Variants in RPS6KA2 observed in about 807,000 individuals in gnomAD.
The protein encoded by RPS6KA2 is ribosomal protein S6 kinase A2.
A neutral mutation model predicts 91.8 loss-of-function variants in RPS6KA2; 42 were observed. The ratio of observed to expected loss-of-function variants is 0.46; its 90% CI spans 0.36 to 0.59. The LOEUF (loss-of-function observed/expected upper bound fraction) is 0.59. Ranked by LOEUF, RPS6KA2 falls within the 20% of genes least tolerant of loss-of-function variation. The pLI, the probability that RPS6KA2 is intolerant of heterozygous loss-of-function variation, is 0.00. For synonymous variants in RPS6KA2, 414 were observed against 393.6 expected (o/e 1.05, Z -0.61); for missense variants, 798 against 978.5 (o/e 0.82, Z 2.46).
In RPS6KA2 at chr6:166,469,548, G is replaced by A. The variant is rs1194716768; in HGVS notation, c.972+293C>T. Among the ~76,000 whole-genome samples the A allele has an allele frequency of 3.3e-5, 5 of 152,152 alleles. No individual in the cohort carries two copies. The East Asian group carries it at 5.8e-4, about 18-fold the overall frequency. ...GGCTCGGAGAGGCCGGGGAGTGGGT[G>A]CAGGGAGGACAGAAGCCTCGACTCT... On this transcript the variant is annotated intron_variant, in intron 11 of 20. Transcript: ENST00000265678.
intron 2 of RPS6KA2, among the ~76,000 whole-genome samples, chr6:166,744,944 A>C (rs185555050): frequency 6.6e-6 from 1 of 152,138 alleles, no homozygotes; most frequent in Non-Finnish European, 1.5e-5. Flanking sequence ...TGTATGAGTC[A>C]GCTCAGGCTG....
intron 2 of RPS6KA2, among the ~76,000 whole-genome samples, chr6:166,532,707 G>A (rs916938497): frequency 1.3e-5 from 2 of 152,118 alleles, no homozygotes; most frequent in African/African-American, 2.4e-5. Flanking sequence ...GCTGCCTCTC[G>A]GACCCGATTA....
intron 2 of RPS6KA2, among the ~76,000 whole-genome samples, chr6:166,809,466 GAAA>G (rs1779576411): frequency 6.6e-6 from 1 of 152,146 alleles, no homozygotes; most frequent in African/African-American, 2.4e-5. Flanking sequence ...CTGATATTAA[GAAA>G]AACAGGGAAA....
rs150680821 is a variant in RPS6KA2, at chr6:166,411,372, G to T, written c.*1390C>A. On this transcript the variant is annotated 3_prime_UTR_variant, in exon 21 of 21. Coordinates refer to ENST00000265678, the MANE Select transcript of RPS6KA2 (RefSeq NM_021135.6). This position sits in a 1 kb window ranked among gnomAD's most constrained non-coding sequence, Gnocchi z 4.5. ...GCGCCGCTCTTCAGTGATGCAGGGT[G>T]AGGGGCTGAGCGGCGCCTCCTCCCA... 1 of 152,128 alleles carries T rather than the reference G, an allele frequency of 6.6e-6. No homozygotes were observed. The highest frequency in any genetic ancestry group is 6.5e-5 in the Admixed American group (1 of 15,282). 9.4% of individuals were successfully genotyped at this position (152,128 alleles called of 1,614,324 possible). A position where few individuals can be genotyped will look rare whatever the true frequency, so the allele number is the denominator to read the frequency against.
At chr6:166,582,943 T>A (rs921224666) in intron 1 of RPS6KA2, among the ~76,000 whole-genome samples, 2 of 152,164 alleles carry the variant, frequency 1.3e-5, no homozygotes, top group Non-Finnish European at 2.9e-5. Flanking sequence ...TTAAGAAAAA[T>A]AACTCACTAT....
rs139402251 is a variant in RPS6KA2, at chr6:166,419,237, C to T, written c.1820+645G>A. Among the ~76,000 whole-genome samples, 35 of 152,306 alleles carry T rather than the reference C, an allele frequency of 2.3e-4. No homozygotes were observed. The highest frequency in any genetic ancestry group is 4.4e-4 in the Non-Finnish European group (30 of 68,026). ...TGCCTCCATTCAAGTATTTAATAAA[C>T]GTAATAGGAACCAGCGGATCTTGTA... On this transcript the variant is annotated intron_variant, in intron 18 of 20. Transcript: ENST00000265678. The surrounding 1 kb of genome is among the most constrained non-coding windows in gnomAD (Gnocchi z 5.6).
At chr6:166,712,394 T>C (rs893150422) in intron 2 of RPS6KA2, among the ~76,000 whole-genome samples, 12 of 152,188 alleles carry the variant, frequency 7.9e-5, no homozygotes, top group African/African-American at 2.4e-4. Context: ...TTTCTTGACA[T>C]TGCCAATGAG....
chr6:166,702,834 G>A (rs1447042894), intron 2 of RPS6KA2: 1 of 1,007,466 alleles, frequency 9.9e-7, no homozygotes, highest in Non-Finnish European at 1.5e-6. Flanking sequence ...TATACGGTTT[G>A]TTCATTGTGA....
chr6:166,472,840 T>C (rs1165235704), intron 10 of RPS6KA2, among the ~76,000 whole-genome samples: 4 of 152,128 alleles, frequency 2.6e-5, no homozygotes, highest in African/African-American at 7.2e-5. Flanking sequence ...CTGCTGCCAC[T>C]CATCTAGATC....
chr6:166,848,566 C>T (rs565331500), intron 2 of RPS6KA2, among the ~76,000 whole-genome samples: 54 of 152,334 alleles, frequency 3.5e-4, no homozygotes, highest in African/African-American at 1.2e-3. Context: ...TGGAATACTA[C>T]TCAGCCATAA....
intron 2 of RPS6KA2, among the ~76,000 whole-genome samples, chr6:166,795,054 C>T (rs1779189757): frequency 6.6e-6 from 1 of 151,558 alleles, no homozygotes; most frequent in South Asian, 2.1e-4. Context: ...AAAATTCATC[C>T]ATTCTAAAAG....
rs575860576 is a variant in RPS6KA2, at chr6:166,686,531, T to G, written c.124-147747A>C. The stretch of plus-strand genomic sequence containing the variant: ...GCACCCAAGGCCATGTGGCTTCTGC[T>G]GACAGGCCCCAGCCCATCAGTGCAT... On this transcript the variant is annotated intron_variant, in intron 2 of 21. Transcript: ENST00000503859. 7.2e-5 allele frequency among the ~76,000 whole-genome samples: 11 copies of G among 152,334 alleles called. No homozygotes were observed. The South Asian group carries it at 2.3e-3, about 32-fold the overall frequency.
At chr6:166,794,751 A>G (rs1779181485) in intron 2 of RPS6KA2, among the ~76,000 whole-genome samples, 1 of 138,312 alleles carries the variant, frequency 7.2e-6, no homozygotes, top group Non-Finnish European at 1.5e-5. Flanking sequence ...AAACTATTGC[A>G]AGAGCAAAAA....
chr6:166,498,085 C>T (rs553824133), intron 8 of RPS6KA2, among the ~76,000 whole-genome samples: 9 of 141,494 alleles, frequency 6.4e-5, no homozygotes, highest in Middle Eastern at 3.6e-3. Context: ...TGCGAAAACG[C>T]GACAGAGACA....
intron 10 of RPS6KA2, among the ~76,000 whole-genome samples, chr6:166,480,534 A>G (rs940420176): frequency 1.0e-4 from 13 of 125,594 alleles, no homozygotes; most frequent in Admixed American, 9.7e-4. Context: ...TTTTTTTTTG[A>G]GAGAGAGTTT....
intron 14 of RPS6KA2, among the ~76,000 whole-genome samples, chr6:166,443,778 G>A (rs559704680): frequency 6.6e-6 from 1 of 152,088 alleles, no homozygotes; most frequent in East Asian, 1.9e-4. Context: ...ATAAATCTGT[G>A]TATATTTTAT....
chr6:166,654,307 C>G (rs1353513893), intron 2 of RPS6KA2, among the ~76,000 whole-genome samples: 2 of 152,204 alleles, frequency 1.3e-5, no homozygotes, highest in African/African-American at 4.8e-5. Flanking sequence ...AAGTTATCAT[C>G]ATGCTTCACA....
chr6:166,622,546 TAGA>T (rs1014897364), intron 1 of RPS6KA2, among the ~76,000 whole-genome samples: 1 of 152,200 alleles, frequency 6.6e-6, no homozygotes, highest in African/African-American at 2.4e-5. Flanking sequence ...ACCCAAGATC[TAGA>T]AGAAGAGCTC....
At chr6:166,572,549 T>C (rs1470804750) in intron 1 of RPS6KA2, among the ~76,000 whole-genome samples, 2 of 152,272 alleles carry the variant, frequency 1.3e-5, no homozygotes, top group East Asian at 1.9e-4. Context: ...AGGATGATGT[T>C]CTCACATAGC....
Sources: allele counts gnomAD v4.1 joint callset (sites outside exome capture counted in the v4.1 genomes callset), GRCh38; gene constraint gnomAD v4.1.1; non-coding constraint Gnocchi (gnomAD v3.1); transcripts MANE v1.5; gene names NCBI Gene and HGNC (gene_info 2026-07-23, HGNC 2026-07-21).